PCDHGC5: variants seen among roughly 807,000 people sequenced by gnomAD.
The protein encoded by PCDHGC5 is protocadherin gamma-C5.
Under a neutral mutation model 59.0 loss-of-function variants are expected in PCDHGC5, and 25 were observed. That is an observed-to-expected ratio of 0.42 (90% CI 0.31 to 0.59). The LOEUF (loss-of-function observed/expected upper bound fraction) is 0.59, where lower values mean the gene tolerates loss of function less well. Ranked by LOEUF, PCDHGC5 falls within the 20% of genes least tolerant of loss-of-function variation. The pLI, the probability that PCDHGC5 is intolerant of heterozygous loss-of-function variation, is 0.13. For missense variants in PCDHGC5, 1,067 were observed against 1,206.4 expected, an observed-to-expected ratio of 0.88 and a Z score of 1.71; for synonymous variants, 434 against 505.5, an observed-to-expected ratio of 0.86 and a Z score of 1.90.
Position 141,490,799 on chromosome 5 carries a change from G to A in PCDHGC5, c.1559G>A (p.Arg520His), listed in dbSNP as rs757092044. The change falls in exon 1 of 4, where the codon CGT becomes CAT. Residue 520 changes from arginine (R) to histidine (H), a missense_variant. By Grantham distance (29) the Arg-to-His change is conservative. Coordinates refer to ENST00000252087, the MANE Select transcript of PCDHGC5 (RefSeq NM_018929.3). The surrounding 1 kb of genome is among the most constrained non-coding windows in gnomAD (Gnocchi z 5.4). ...GAGGATGGACGGATCTTTGCCCAGC[G>A]TACCTTTGACTATGAATTGCTGCAG... is the stretch of plus-strand genomic sequence containing the variant. ...NPEDGRIFAQ[R>H]TFDYELLQML... 2.7e-5 allele frequency: 43 copies of A among 1,613,888 alleles called. No individual in the cohort carries two copies. Among genetic ancestry groups the A allele is most frequent in the Middle Eastern group, 3.3e-4 (2 of 6,062 alleles).
At chr5:141,507,557 C>T (rs959957585) in intron 3 of PCDHGC5, among the ~76,000 whole-genome samples, 5 of 152,250 alleles carry the variant, frequency 3.3e-5, no homozygotes, top group Middle Eastern at 3.4e-3. Flanking sequence ...AAGTGGCAGG[C>T]GGCTGGGTCT....
At position 141,491,265 on chromosome 5, in the gene PCDHGC5, C is replaced by G. The variant is rs868682993; in HGVS notation, c.2025C>G (p.Pro675=). ...AGGATGAGGACCCTGAGGAAATGCCCAAATCCAGTGACTTCCTCATACACC... is the reference window on the plus strand; with the variant it reads ...AGGATGAGGACCCTGAGGAAATGCCGAAATCCAGTGACTTCCTCATACACC... The part of the protein sequence containing the change: ...VLEDEDPEEM[P]KSSDFLIHPP... The change falls in exon 1 of 4, where the codon CCC becomes CCG. Residue 675 remains proline (P), a synonymous_variant. Transcript: ENST00000252087. The surrounding 1 kb of genome is among the most constrained non-coding windows in gnomAD (Gnocchi z 6.9). The G allele has an allele frequency of 6.2e-7, 1 of 1,614,074 alleles. No individual in the cohort carries two copies. The highest frequency in any genetic ancestry group is 8.5e-7 in the Non-Finnish European group (1 of 1,179,916).
rs769607720 is a variant in PCDHGC5 at position 141,489,346 on chromosome 5, G to A, written c.106G>A (p.Val36Met). 4 of 1,611,652 alleles carry A rather than the reference G, an allele frequency of 2.5e-6. No individual in the cohort carries two copies. The highest frequency in any genetic ancestry group is 3.4e-6 in the Non-Finnish European group (4 of 1,178,446). The change falls in exon 1 of 4, where the codon GTG (valine) becomes ATG (methionine). Residue 36 changes from valine (V) to methionine (M), a missense_variant. Transcript: ENST00000252087. The surrounding 1 kb of genome is among the most constrained non-coding windows in gnomAD (Gnocchi z 4.5). ...WVSGQLRYSVVEESEPGTLVG... is the reference protein window; with the variant it reads ...WVSGQLRYSVMEESEPGTLVG... Reference sequence around the variant, plus strand: ...GTCTGGGCAGCTTCGTTACTCAGTGGTGGAGGAGTCTGAGCCGGGGACGCT... The same window carrying A: ...GTCTGGGCAGCTTCGTTACTCAGTGATGGAGGAGTCTGAGCCGGGGACGCT...
chr5:141,492,471 C>T (rs937691695), intron 1 of PCDHGC5, among the ~76,000 whole-genome samples: 8 of 152,240 alleles, frequency 5.3e-5, no homozygotes, highest in Non-Finnish European at 1.0e-4. Flanking sequence ...GGTCCCAGAT[C>T]GCGGCCGCCC....
Position 141,491,208 on chromosome 5 carries a change from C to A in PCDHGC5, c.1968C>A (p.Leu656=). The part of the protein sequence containing the change: ...VLVRDNGDPS[L]SSTATVLLVL... ...TGAGGGACAATGGTGACCCTTCACT[C>A]TCCTCCACAGCCACAGTGCTGCTGG... Residue 656 remains leucine, a synonymous_variant, in exon 1 of 4, where the codon CTC becomes CTA. Coordinates refer to ENST00000252087, the MANE Select transcript of PCDHGC5 (RefSeq NM_018929.3). The surrounding 1 kb of genome is among the most constrained non-coding windows in gnomAD (Gnocchi z 6.9). The A allele has an allele frequency of 6.2e-7, 1 of 1,614,204 alleles. No homozygotes were observed. Among genetic ancestry groups the A allele is most frequent in the African/African-American group, 1.3e-5 (1 of 75,058 alleles).
At chr5:141,492,070 G>T (rs1408035481) in intron 1 of PCDHGC5, 1 of 477,946 alleles carries the variant, frequency 2.1e-6, no homozygotes. Context: ...CCTCCTAGGC[G>T]CCGGCTCCGG....
rs768135284 is a variant in PCDHGC5, at chr5:141,489,277, T to C, written c.37T>C (p.Trp13Arg). ...GACACTCCCACAGCTCGCTGGGAAA[T>C]GGCAAGTGCTGTGCATGTTGTCCTT... Reference protein sequence around the residue: ...PKTLPQLAGKWQVLCMLSLCC... With the variant: ...PKTLPQLAGKRQVLCMLSLCC... Residue 13 changes from tryptophan (W) to arginine (R), a missense_variant, in exon 1 of 4, where the codon TGG (tryptophan) becomes CGG (arginine). Transcript: ENST00000252087. This position sits in a 1 kb window ranked among gnomAD's most constrained non-coding sequence, Gnocchi z 4.5. 7.1e-6 allele frequency: 11 copies of C among 1,556,078 alleles called. No individual in the cohort carries two copies. Among genetic ancestry groups the C allele is most frequent in the South Asian group, 3.7e-5 (3 of 80,348 alleles).
At chr5:141,496,639 C>T (rs752903356) in intron 2 of PCDHGC5, among the ~76,000 whole-genome samples, 1 of 152,222 alleles carries the variant, frequency 6.6e-6, no homozygotes, top group Non-Finnish European at 1.5e-5. Context: ...TTGGGCTGCC[C>T]TTGCCCTTCC....
chr5:141,507,816 TG>T (rs1478957063), intron 3 of PCDHGC5, among the ~76,000 whole-genome samples: 1 of 152,130 alleles, frequency 6.6e-6, no homozygotes, highest in African/African-American at 2.4e-5. Flanking sequence ...GAACGGACCC[TG>T]GGGGTGGAGG....
intron 3 of PCDHGC5, among the ~76,000 whole-genome samples, chr5:141,510,329 A>T (rs1433056614): frequency 2.7e-5 from 4 of 150,230 alleles, no homozygotes; most frequent in Admixed American, 2.7e-4. Flanking sequence ...AGCACTCTTC[A>T]CCCCCACCCC....
At chr5:141,506,278 G>A (rs1001662623) in intron 3 of PCDHGC5, among the ~76,000 whole-genome samples, 1 of 152,090 alleles carries the variant, frequency 6.6e-6, no homozygotes. Flanking sequence ...GTGAAACCCT[G>A]TCTCTACTAA....
rs752145084 is a variant in PCDHGC5 at position 141,489,550 on chromosome 5, C to T, written c.310C>T (p.Leu104=). The change falls in exon 1 of 4, where the codon CTG becomes TTG. Residue 104 remains leucine, a synonymous_variant. Coordinates refer to ENST00000252087, the MANE Select transcript of PCDHGC5 (RefSeq NM_018929.3). This position sits in a 1 kb window ranked among gnomAD's most constrained non-coding sequence, Gnocchi z 4.5. ...ATGTGGAGCCAGCACCAGCTGCCTGCTGCCAGTGCAGGTGGTGACTGAACA... is the reference window on the plus strand; with the variant it reads ...ATGTGGAGCCAGCACCAGCTGCCTGTTGCCAGTGCAGGTGGTGACTGAACA... ...SLCGASTSCL[L]PVQVVTEHPL... is the part of the protein sequence containing the mutation. The T allele has an allele frequency of 1.2e-6, 2 of 1,614,132 alleles. No homozygotes were observed. The highest frequency in any genetic ancestry group is 1.7e-5 in the Admixed American group (1 of 60,030).
intron 1 of PCDHGC5, 115 bp from the exon 2 acceptor site, chr5:141,494,692 C>G: frequency 6.3e-7 from 1 of 1,581,934 alleles, no homozygotes; most frequent in South Asian, 1.1e-5. Context: ...CCTCTTAGTC[C>G]GTTTTCTTCT....
In PCDHGC5 at chr5:141,511,352, C is replaced by A. The variant is rs2099883742; in HGVS notation, c.*179C>A. The A allele has an allele frequency of 3.6e-6, 5 of 1,381,248 alleles. No homozygotes were observed. The highest frequency in any genetic ancestry group is 2.7e-4 in the Middle Eastern group (1 of 3,772). 85.6% of individuals were successfully genotyped at this position (1,381,248 alleles called of 1,614,324 possible). ...CAGTCAGCACCTACCCCTTCCCCCCCAGGGGGTTGAATATGCAAAAGCAGT... is the reference window on the plus strand; with the variant it reads ...CAGTCAGCACCTACCCCTTCCCCCCAAGGGGGTTGAATATGCAAAAGCAGT... On this transcript the variant is annotated 3_prime_UTR_variant, in exon 4 of 4. Coordinates refer to ENST00000252087, the MANE Select transcript of PCDHGC5 (RefSeq NM_018929.3).
Position 141,491,547 on chromosome 5 carries a change from G to C in PCDHGC5, c.2307G>C (p.Ser769=). Residue 769 remains serine, a synonymous_variant, in exon 1 of 4, where the codon TCG becomes TCC. Coordinates refer to ENST00000252087, the MANE Select transcript of PCDHGC5 (RefSeq NM_018929.3). This position sits in a 1 kb window ranked among gnomAD's most constrained non-coding sequence, Gnocchi z 6.9. The part of the protein sequence containing the change: ...YMEVTLRPTD[S]QSHCYRTCFS... Reference sequence around the variant, plus strand: ...AGGTGACGCTGCGGCCCACAGACTCGCAGAGCCACTGCTACAGGACGTGCT... The same window carrying C: ...AGGTGACGCTGCGGCCCACAGACTCCCAGAGCCACTGCTACAGGACGTGCT... 6.2e-7 allele frequency: 1 copy of C among 1,613,974 alleles called. No individual in the cohort carries two copies. The highest frequency in any genetic ancestry group is 8.5e-7 in the Non-Finnish European group (1 of 1,180,022).
rs779191558 is a variant in PCDHGC5 at position 141,491,465 on chromosome 5, A to G, written c.2225A>G (p.Tyr742Cys). The change falls in exon 1 of 4, where the codon TAT (tyrosine) becomes TGT (cysteine). Residue 742 changes from tyrosine to cysteine, a missense_variant. Coordinates refer to ENST00000252087, the MANE Select transcript of PCDHGC5 (RefSeq NM_018929.3). This position sits in a 1 kb window ranked among gnomAD's most constrained non-coding sequence, Gnocchi z 6.9. ...RRQDSPSPDF[Y>C]KQSSPNLQVS... The stretch of plus-strand genomic sequence containing the variant: ...CAGGACTCACCCTCCCCGGACTTCT[A>G]TAAGCAGTCCAGCCCCAACCTGCAG... 1.2e-6 allele frequency: 2 copies of G among 1,613,974 alleles called. No homozygotes were observed. The highest frequency in any genetic ancestry group is 1.1e-5 in the South Asian group (1 of 91,084).
chr5:141,497,312 G>A (rs940721317), intron 2 of PCDHGC5, among the ~76,000 whole-genome samples: 7 of 152,038 alleles, frequency 4.6e-5, no homozygotes, highest in African/African-American at 1.7e-4. Flanking sequence ...CCATACACTG[G>A]CTTTGAAGCA....
rs778054090 is a variant in PCDHGC5 at position 141,505,509 on chromosome 5, G to C, written c.2608+28G>C. On this transcript the variant is annotated intron_variant, in intron 3 of 3. Coordinates refer to ENST00000252087, the MANE Select transcript of PCDHGC5 (RefSeq NM_018929.3). ...AAGTGGTGTCAGTGTGTGTATGGAA[G>C]AGTGGGAGACCTGGGGTTCTGGGGT... The C allele has an allele frequency of 3.7e-6, 6 of 1,614,058 alleles. No homozygotes were observed. The East Asian group carries it at 1.1e-4, about 30-fold the overall frequency.
chr5:141,491,726 C>T lies in PCDHGC5; in HGVS notation c.2460+26C>T. On this transcript the variant is annotated intron_variant, in intron 1 of 3. Transcript: ENST00000252087. This position sits in a 1 kb window ranked among gnomAD's most constrained non-coding sequence, Gnocchi z 6.9. ...GTGAGGGGCTCGGCGCCGCCCCGGG[C>T]GACCCCTGGGGGCGGCACTGGAGAA... The T allele has an allele frequency of 6.2e-7, 1 of 1,605,884 alleles. No individual in the cohort carries two copies. Among genetic ancestry groups the T allele is most frequent in the East Asian group, 2.2e-5 (1 of 44,600 alleles).
Sources: allele counts gnomAD v4.1 joint callset (sites outside exome capture counted in the v4.1 genomes callset), GRCh38; gene constraint gnomAD v4.1.1; non-coding constraint Gnocchi (gnomAD v3.1); transcripts MANE v1.5; gene names NCBI Gene and HGNC (gene_info 2026-07-23, HGNC 2026-07-21).